Variants in NKAIN2 observed in about 807,000 individuals in gnomAD.
NKAIN2 encodes sodium/potassium-transporting ATPase subunit beta-1-interacting protein 2.
A neutral mutation model predicts 32.6 loss-of-function variants in NKAIN2; 14 were observed. That is an observed-to-expected ratio of 0.43 (90% CI 0.28 to 0.67). The LOEUF is 0.67. Among genes scored for constraint, NKAIN2 ranks in the 30% least tolerant of loss-of-function variants. NKAIN2 has a pLI of 0.17. For synonymous variants in NKAIN2, 80 were observed against 87.2 expected (o/e 0.92, Z 0.46); for missense variants, 198 against 258.3 (o/e 0.77, Z 1.60).
chr6:124,703,992 T>A (rs1774926410), intron 4 of NKAIN2, among the ~76,000 whole-genome samples: 1 of 152,028 alleles, frequency 6.6e-6, no homozygotes, highest in Admixed American at 6.6e-5. Context: ...ACTAAATTTA[T>A]GGTACCGAAG....
chr6:124,244,455 G>A (rs1017414893), intron 1 of NKAIN2, among the ~76,000 whole-genome samples: 4 of 151,920 alleles, frequency 2.6e-5, no homozygotes, highest in Non-Finnish European at 4.4e-5. Flanking sequence ...ATTCCATGGT[G>A]TATATGTAAA....
At chr6:124,783,739 A>G (rs1210351021) in intron 4 of NKAIN2, among the ~76,000 whole-genome samples, 6 of 152,214 alleles carry the variant, frequency 3.9e-5, no homozygotes, top group African/African-American at 1.4e-4. Context: ...ATCACATTTG[A>G]ATCCTTTGCT....
At chr6:123,926,576 T>C (rs1400420650) in intron 1 of NKAIN2, among the ~76,000 whole-genome samples, 1 of 152,188 alleles carries the variant, frequency 6.6e-6, no homozygotes, top group Non-Finnish European at 1.5e-5. Context: ...GCTGCAGCGC[T>C]ACTTTTCTTC....
Position 124,624,510 on chromosome 6 carries a change from A to C in NKAIN2, c.274-33676A>C, listed in dbSNP as rs142130399. On this transcript the variant is annotated intron_variant, in intron 3 of 6. Transcript: ENST00000368417. ...TAAATACCAGTTTTCTTATGCTGTCATGAGGTGGTGGGACAGTTTGAAGTG... is the reference window on the plus strand; with the variant it reads ...TAAATACCAGTTTTCTTATGCTGTCCTGAGGTGGTGGGACAGTTTGAAGTG... Among the ~76,000 whole-genome samples, 818 of 152,320 alleles carry C rather than the reference A, an allele frequency of 5.4e-3. 7 individuals are homozygous for C. Among genetic ancestry groups the C allele is most frequent in the Non-Finnish European group, 6.8e-3 (466 of 68,030 alleles).
chr6:124,032,661 G>T (rs1582962283), intron 1 of NKAIN2, among the ~76,000 whole-genome samples: 1 of 151,920 alleles, frequency 6.6e-6, no homozygotes, highest in Non-Finnish European at 1.5e-5. Context: ...GGACTACAAA[G>T]CAATATGAAA....
At chr6:124,028,873 A>G (rs1190731549) in intron 1 of NKAIN2, among the ~76,000 whole-genome samples, 9 of 44,110 alleles carry the variant, frequency 2.0e-4, no homozygotes, top group Non-Finnish European at 5.0e-4. Context: ...ATACACATAT[A>G]TGTATATATA....
chr6:124,680,507 G>GCATAAATGT (rs1388554590), intron 4 of NKAIN2, among the ~76,000 whole-genome samples: 4 of 152,062 alleles, frequency 2.6e-5, no homozygotes, highest in Admixed American at 6.6e-5. Context: ...CTAGGAACTG[G>GCATAAATGT]CATAAATGTC....
At chr6:124,285,521 T>C (rs1446159258) in intron 2 of NKAIN2, among the ~76,000 whole-genome samples, 12 of 152,138 alleles carry the variant, frequency 7.9e-5, no homozygotes, top group Admixed American at 7.9e-4. Flanking sequence ...ATTTCCTCTC[T>C]CCACTCAGAG....
chr6:124,307,319 C>T (rs1291252706), intron 2 of NKAIN2, among the ~76,000 whole-genome samples: 1 of 152,082 alleles, frequency 6.6e-6, no homozygotes, highest in Non-Finnish European at 1.5e-5. Flanking sequence ...TCTTGAACAA[C>T]ATGGTTGGGT....
intron 3 of NKAIN2, among the ~76,000 whole-genome samples, chr6:124,375,333 A>T (rs11154234): frequency 0.2 from 29,245 of 149,314 alleles, 3,102 homozygotes; most frequent in Admixed American, 0.28. Flanking sequence ...ATGGGGACTT[A>T]CCTCTTCCAT....
intron 1 of NKAIN2, among the ~76,000 whole-genome samples, chr6:124,209,573 A>G (rs1383667334): frequency 2.0e-5 from 3 of 151,812 alleles, no homozygotes; most frequent in African/African-American, 4.8e-5. Flanking sequence ...CATTCCACCA[A>G]TAGTATACAA....
intron 3 of NKAIN2, among the ~76,000 whole-genome samples, chr6:124,588,476 A>G (rs1781793416): frequency 6.6e-6 from 1 of 152,042 alleles, no homozygotes; most frequent in South Asian, 2.1e-4. Flanking sequence ...TAACCTATTT[A>G]TGTTTTCTTT....
intron 3 of NKAIN2, among the ~76,000 whole-genome samples, chr6:124,513,213 G>T (rs1000784475): frequency 6.6e-6 from 1 of 152,100 alleles, no homozygotes; most frequent in Admixed American, 6.5e-5. Context: ...AAGCATGTTG[G>T]TTCACACTTA....
intron 1 of NKAIN2, among the ~76,000 whole-genome samples, chr6:123,805,792 A>G (rs1773188329): frequency 6.6e-6 from 1 of 152,180 alleles, no homozygotes; most frequent in East Asian, 1.9e-4. Context: ...AAAAGAATAC[A>G]TTTGCTGATT....
At chr6:124,634,521 A>C (rs1196172930) in intron 3 of NKAIN2, among the ~76,000 whole-genome samples, 1 of 152,154 alleles carries the variant, frequency 6.6e-6, no homozygotes, top group East Asian at 1.9e-4. Context: ...TGAACTTGAA[A>C]AGGAGTCTTT....
At chr6:124,082,314 CTA>C (rs1445899200) in intron 1 of NKAIN2, among the ~76,000 whole-genome samples, 1 of 152,036 alleles carries the variant, frequency 6.6e-6, no homozygotes, top group Non-Finnish European at 1.5e-5. Context: ...TTGCTTAATG[CTA>C]TAGGCTCTTA....
intron 1 of NKAIN2, among the ~76,000 whole-genome samples, chr6:124,140,039 G>A (rs1787057824): frequency 6.6e-6 from 1 of 152,150 alleles, no homozygotes; most frequent in South Asian, 2.1e-4. Context: ...GCGAACACAA[G>A]TAAAATTCAT....
intron 1 of NKAIN2, among the ~76,000 whole-genome samples, chr6:123,986,088 G>T (rs1336649234): frequency 1.3e-5 from 2 of 151,886 alleles, no homozygotes; most frequent in Non-Finnish European, 1.5e-5. Flanking sequence ...TTAAAAACTA[G>T]CTAAAATTCT....
chr6:124,026,722 T>C, intron 1 of NKAIN2, among the ~76,000 whole-genome samples: 1 of 152,186 alleles, frequency 6.6e-6, no homozygotes. Context: ...AAATAAAACT[T>C]GCTGGATATC....
Sources: gnomAD v4.1 joint callset for allele counts (sites outside exome capture counted in the v4.1 genomes callset) on GRCh38, gnomAD v4.1.1 for gene constraint, MANE v1.5 for transcripts, NCBI Gene and HGNC (gene_info 2026-07-23, HGNC 2026-07-21) for gene names.